TENM3: variants seen among roughly 807,000 people sequenced by gnomAD.
TENM3 encodes the protein teneurin transmembrane protein 3, also known as teneurin-3.
TENM3 carries 63 observed loss-of-function variants against 255.1 expected under a neutral mutation model. The ratio of observed to expected loss-of-function variants is 0.25; its 90% CI spans 0.20 to 0.30. The LOEUF is 0.30. Ranked by LOEUF, TENM3 falls within the 10% of genes least tolerant of loss-of-function variation. The probability of loss-of-function intolerance (pLI) is 1.00; values close to 1 mark genes in which losing one functional copy is unlikely to be tolerated. For synonymous variants in TENM3, 1,306 were observed against 1,322.3 expected (o/e 0.99, Z 0.27); for missense variants, 2,929 against 3,461.1 (o/e 0.85, Z 3.86).
chr4:182,765,985 G>A lies in TENM3; in HGVS notation c.4893-7487G>A, dbSNP rs1204300110. Among the ~76,000 whole-genome samples, 5 of 152,248 alleles carry A rather than the reference G, an allele frequency of 3.3e-5. 1 individual carries two copies. Among genetic ancestry groups the A allele is most frequent in the Non-Finnish European group, 1.5e-5 (1 of 68,014 alleles). On this transcript the variant is annotated intron_variant, in intron 22 of 27. Coordinates refer to ENST00000511685, the MANE Select transcript of TENM3 (RefSeq NM_001080477.4). ...CTAGTATCTTATATGTTATGTTGGT[G>A]GTAGAAATAGCAATTTATAGTAATA...
chr4:182,736,803 C>T lies in TENM3; in HGVS notation c.2968-5C>T. The T allele has an allele frequency of 6.2e-7, 1 of 1,611,588 alleles. No homozygotes were observed. Among genetic ancestry groups the T allele is most frequent in the Non-Finnish European group, 8.5e-7 (1 of 1,178,928 alleles). On this transcript the variant is annotated splice_region_variant and splice_polypyrimidine_tract_variant and intron_variant, in intron 16 of 27. Coordinates refer to ENST00000511685, the MANE Select transcript of TENM3 (RefSeq NM_001080477.4). ...GTTTGAAACTTCTGCTTTATTCAAA[C>T]TTAGGTACTCCACGAGGAAACTACA...
chr4:181,624,525 C>CT, the TENM3 span, among the ~76,000 whole-genome samples: 1 of 152,176 alleles, frequency 6.6e-6, no homozygotes, highest in South Asian at 2.1e-4. Flanking sequence ...TATGAGCTCA[C>CT]TTTCTCTGAT....
intron 3 of TENM3, among the ~76,000 whole-genome samples, chr4:182,424,844 T>C (rs193043271): frequency 3.2e-4 from 49 of 152,326 alleles, no homozygotes; most frequent in African/African-American, 1.2e-3. Flanking sequence ...ATGCTGTTTT[T>C]TTGAACTAAT....
the TENM3 span, among the ~76,000 whole-genome samples, chr4:181,549,024 C>T: frequency 4.6e-5 from 7 of 152,242 alleles, no homozygotes; most frequent in East Asian, 9.7e-4. Flanking sequence ...TGTAATGGGG[C>T]GATGGTAACA....
At chr4:181,467,125 A>ATGTTTTTTTTTT in the TENM3 span, among the ~76,000 whole-genome samples, 1 of 17,616 alleles carries the variant, frequency 5.7e-5, no homozygotes. Context: ...ATATATATAT[A>ATGTTTTTTTTTT]TTTTTTTTTT....
intron 3 of TENM3, among the ~76,000 whole-genome samples, chr4:182,406,103 C>T (rs1297097964): frequency 2.0e-5 from 3 of 152,072 alleles, no homozygotes; most frequent in African/African-American, 7.2e-5. Flanking sequence ...GTCAGGAGTT[C>T]AAGACCAGCC....
intron 12 of TENM3, among the ~76,000 whole-genome samples, chr4:182,708,575 G>A (rs1325643753): frequency 3.3e-5 from 5 of 152,206 alleles, no homozygotes; most frequent in Middle Eastern, 3.4e-3. Flanking sequence ...CGAGGAGGGT[G>A]GATCATGAGG....
At chr4:181,614,579 G>A in the TENM3 span, among the ~76,000 whole-genome samples, 2 of 152,138 alleles carry the variant, frequency 1.3e-5, no homozygotes, top group Admixed American at 6.6e-5. Flanking sequence ...ATTCATCTCC[G>A]CAGATTTAAC....
intron 12 of TENM3, among the ~76,000 whole-genome samples, chr4:182,694,456 G>A (rs889271883): frequency 6.6e-6 from 1 of 152,114 alleles, no homozygotes; most frequent in East Asian, 1.9e-4. Flanking sequence ...GAAAGGTGGA[G>A]GATATTGATG....
chr4:182,002,213 A>C, the TENM3 span, among the ~76,000 whole-genome samples: 1 of 152,134 alleles, frequency 6.6e-6, no homozygotes, highest in Non-Finnish European at 1.5e-5. Flanking sequence ...TCTCCAAGAC[A>C]GAAAGCATGT....
the TENM3 span, among the ~76,000 whole-genome samples, chr4:182,021,854 CA>C: frequency 6.6e-6 from 1 of 152,032 alleles, no homozygotes; most frequent in Admixed American, 6.6e-5. Context: ...CCTTTCTAAT[CA>C]GAAAAAAACT....
intron 3 of TENM3, among the ~76,000 whole-genome samples, chr4:182,586,171 T>G (rs922940935): frequency 6.6e-6 from 1 of 152,096 alleles, no homozygotes; most frequent in Non-Finnish European, 1.5e-5. Flanking sequence ...GTGGGAGGAT[T>G]CCTTGAGCCC....
intron 5 of TENM3, among the ~76,000 whole-genome samples, chr4:182,647,389 C>T (rs376727763): frequency 6.6e-6 from 1 of 152,192 alleles, no homozygotes. Flanking sequence ...TCTCCATCCT[C>T]CCAAACCCTG....
Position 182,800,492 on chromosome 4 carries a change from A to C in TENM3, c.*141A>C. The C allele has an allele frequency of 9.5e-7, 1 of 1,049,186 alleles. No homozygotes were observed. Among genetic ancestry groups the C allele is most frequent in the Non-Finnish European group, 1.3e-6 (1 of 755,542 alleles). The allele number at this position is 1,049,186 out of a possible 1,614,324, so 65.0% of individuals were successfully genotyped here. On this transcript the variant is annotated 3_prime_UTR_variant, in exon 28 of 28. Coordinates refer to ENST00000511685, the MANE Select transcript of TENM3 (RefSeq NM_001080477.4). The stretch of plus-strand genomic sequence containing the variant: ...TTACGACCCACACCCACACCGCGAA[A>C]ACAAGGACCGCTTTTTTCCGAATGA...
At chr4:182,509,346 G>A (rs1737144345) in intron 3 of TENM3, among the ~76,000 whole-genome samples, 1 of 152,050 alleles carries the variant, frequency 6.6e-6, no homozygotes, top group African/African-American at 2.4e-5. Flanking sequence ...GTTTTAAGCA[G>A]TTTTTCCTTT....
At chr4:181,927,202 C>T in the TENM3 span, among the ~76,000 whole-genome samples, 4 of 152,176 alleles carry the variant, frequency 2.6e-5, no homozygotes, top group African/African-American at 9.7e-5. Flanking sequence ...TCCAGGGAGC[C>T]AAGTGGTCTA....
intron 22 of TENM3, among the ~76,000 whole-genome samples, chr4:182,771,511 A>T (rs34488421): frequency 5.5e-5 from 8 of 145,830 alleles, no homozygotes; most frequent in South Asian, 2.3e-4. Flanking sequence ...GGGGGGGGGA[A>T]ATAGTACAAT....
At chr4:181,872,368 C>T in the TENM3 span, among the ~76,000 whole-genome samples, 1 of 146,080 alleles carries the variant, frequency 6.8e-6, no homozygotes, top group Non-Finnish European at 1.5e-5. Flanking sequence ...AGGTTCGTTA[C>T]ATAGGTAAAC....
chr4:182,308,215 G>T (rs1295494347), intron 1 of TENM3, among the ~76,000 whole-genome samples: 3 of 152,214 alleles, frequency 2.0e-5, no homozygotes, highest in Non-Finnish European at 4.4e-5. Context: ...AGCACAGGCT[G>T]GATTGAGCCC....
Sources: allele counts gnomAD v4.1 joint callset (sites outside exome capture counted in the v4.1 genomes callset), GRCh38; gene constraint gnomAD v4.1.1; transcripts MANE v1.5; gene names NCBI Gene and HGNC (gene_info 2026-07-23, HGNC 2026-07-21).